The following TAFA1 variants were observed in gnomAD, a reference collection of about 807,000 sequenced individuals.
TAFA1 encodes the protein chemokine-like protein TAFA-1.
In TAFA1, 4 loss-of-function variants were observed where a neutral mutation model predicts 18.5. That is an observed-to-expected ratio of 0.22 (90% CI 0.11 to 0.49). The LOEUF is 0.49. Ranked by LOEUF, TAFA1 falls within the 20% of genes least tolerant of loss-of-function variation. The pLI, the probability that TAFA1 is intolerant of heterozygous loss-of-function variation, is 0.98. For synonymous variants in TAFA1, 56 were observed against 55.2 expected (o/e 1.01, Z -0.06); for missense variants, 147 against 169.0 (o/e 0.87, Z 0.72).
At chr3:68,300,134 C>A (rs2068277336) in intron 2 of TAFA1, among the ~76,000 whole-genome samples, 1 of 152,178 alleles carries the variant, frequency 6.6e-6, no homozygotes, top group Non-Finnish European at 1.5e-5. Flanking sequence ...CACCATGCAC[C>A]TGGGAAAGTC....
chr3:68,462,329 G>C (rs2071799828), intron 3 of TAFA1, among the ~76,000 whole-genome samples: 1 of 152,072 alleles, frequency 6.6e-6, no homozygotes. Flanking sequence ...AATCATGGGG[G>C]CAAGTCTTCC....
At chr3:68,082,055 G>T (rs576568287) in intron 2 of TAFA1, among the ~76,000 whole-genome samples, 8 of 152,220 alleles carry the variant, frequency 5.3e-5, no homozygotes, top group Non-Finnish European at 1.0e-4. Flanking sequence ...CGCAGTACTC[G>T]GGTGGGAGTG....
At chr3:68,252,034 T>A (rs149182095) in intron 2 of TAFA1, among the ~76,000 whole-genome samples, 1 of 152,198 alleles carries the variant, frequency 6.6e-6, no homozygotes, top group Non-Finnish European at 1.5e-5. Context: ...GATAATTCCA[T>A]GTATATGTGC....
intron 2 of TAFA1, among the ~76,000 whole-genome samples, chr3:68,317,708 TG>T (rs2068628854): frequency 6.6e-6 from 1 of 152,068 alleles, no homozygotes. Flanking sequence ...TAAATGAAAA[TG>T]GGATGACTTT....
chr3:68,385,621 A>G (rs1433183142), intron 2 of TAFA1, among the ~76,000 whole-genome samples: 2 of 152,120 alleles, frequency 1.3e-5, no homozygotes, highest in Non-Finnish European at 2.9e-5. Context: ...GTTGTAGGCA[A>G]TCTCAAGTGT....
In TAFA1 at chr3:68,538,830, G is replaced by C; in HGVS notation, c.334G>C (p.Asp112His). The part of the protein sequence containing the change: ...LEGEECKTLP[D>H]NSGWMCATGN... ...AGGAGAAGAATGTAAGACACTCCCTGACAATTCTGGATGGATGTGCGCAAC... is the reference window on the plus strand; with the variant it reads ...AGGAGAAGAATGTAAGACACTCCCTCACAATTCTGGATGGATGTGCGCAAC... Residue 112 changes from aspartate (D) to histidine (H), a missense_variant, in exon 4 of 5, where the codon GAC becomes CAC. Physicochemically the swap from Asp to His is moderately conservative, Grantham distance 81. Transcript: ENST00000478136. 6.2e-7 allele frequency: 1 copy of C among 1,613,602 alleles called. No individual in the cohort carries two copies. Among genetic ancestry groups the C allele is most frequent in the Non-Finnish European group, 8.5e-7 (1 of 1,179,654 alleles).
At chr3:68,236,901 C>T (rs1404756522) in intron 2 of TAFA1, among the ~76,000 whole-genome samples, 9 of 152,100 alleles carry the variant, frequency 5.9e-5, no homozygotes, top group Non-Finnish European at 7.4e-5. Flanking sequence ...TCAATAAGAG[C>T]TCATAAAACA....
intron 2 of TAFA1, among the ~76,000 whole-genome samples, chr3:68,312,502 C>T (rs954700492): frequency 2.0e-5 from 3 of 152,278 alleles, no homozygotes; most frequent in East Asian, 3.9e-4. Flanking sequence ...GTTCAAAGTT[C>T]CACAAATCTC....
chr3:68,380,740 G>C (rs921521829), intron 2 of TAFA1, among the ~76,000 whole-genome samples: 69 of 152,126 alleles, frequency 4.5e-4, no homozygotes, highest in African/African-American at 1.5e-3. Flanking sequence ...TCTGACAGTA[G>C]TTTCTTTTGC....
chr3:68,466,990 C>A (rs1039273742), intron 3 of TAFA1, among the ~76,000 whole-genome samples: 6 of 152,110 alleles, frequency 3.9e-5, no homozygotes, highest in African/African-American at 1.4e-4. Context: ...GGAATGCATT[C>A]TTTTCCCAGG....
At chr3:68,062,095 A>G (rs2064610331) in intron 2 of TAFA1, among the ~76,000 whole-genome samples, 1 of 152,210 alleles carries the variant, frequency 6.6e-6, no homozygotes, top group Non-Finnish European at 1.5e-5. Flanking sequence ...TCTAACAGCC[A>G]AAACCTCTTA....
chr3:68,508,123 A>G (rs2072789493), intron 3 of TAFA1, among the ~76,000 whole-genome samples: 1 of 152,060 alleles, frequency 6.6e-6, no homozygotes, highest in African/African-American at 2.4e-5. Flanking sequence ...TCTTCTCACT[A>G]TGGCTTCACA....
chr3:68,062,339 G>A (rs895833152), intron 2 of TAFA1, among the ~76,000 whole-genome samples: 3 of 152,100 alleles, frequency 2.0e-5, no homozygotes, highest in African/African-American at 7.2e-5. Flanking sequence ...GGGGCTTCAG[G>A]CCCAATATTG....
At chr3:68,391,092 G>A (rs1426392390) in intron 2 of TAFA1, among the ~76,000 whole-genome samples, 1 of 152,152 alleles carries the variant, frequency 6.6e-6, no homozygotes, top group Non-Finnish European at 1.5e-5. Flanking sequence ...GTAACCCAAT[G>A]CAAGGAAGCT....
intron 2 of TAFA1, among the ~76,000 whole-genome samples, chr3:68,354,101 C>T (rs116176403): frequency 3.3e-5 from 5 of 151,738 alleles, no homozygotes; most frequent in Admixed American, 2.6e-4. Flanking sequence ...TAAAACAAAA[C>T]AAACAACAAC....
At chr3:68,218,154 C>T (rs897715276) in intron 2 of TAFA1, among the ~76,000 whole-genome samples, 15 of 151,980 alleles carry the variant, frequency 9.9e-5, no homozygotes, top group Admixed American at 2.6e-4. Flanking sequence ...AAAATTCCAG[C>T]CTCTCAGGTC....
intron 2 of TAFA1, among the ~76,000 whole-genome samples, chr3:68,047,382 G>A (rs2064402586): frequency 6.6e-6 from 1 of 152,090 alleles, no homozygotes; most frequent in African/African-American, 2.4e-5. Context: ...AATTCAAGAA[G>A]GGGCTCACCA....
At chr3:68,171,147 G>T (rs1258058286) in intron 2 of TAFA1, among the ~76,000 whole-genome samples, 3 of 152,132 alleles carry the variant, frequency 2.0e-5, no homozygotes, top group African/African-American at 7.2e-5. Context: ...TTATCTAGAT[G>T]GGCCCAATGT....
intron 2 of TAFA1, among the ~76,000 whole-genome samples, chr3:68,303,739 G>A (rs969410806): frequency 5.3e-5 from 8 of 152,048 alleles, no homozygotes; most frequent in Admixed American, 1.3e-4. Context: ...GTGAACCACC[G>A]TGCCCGGCCT....
Sources: gnomAD v4.1 joint callset for allele counts (sites outside exome capture counted in the v4.1 genomes callset) on GRCh38, gnomAD v4.1.1 for gene constraint, MANE v1.5 for transcripts, NCBI Gene and HGNC (gene_info 2026-07-23, HGNC 2026-07-21) for gene names.